The following PCDHA1 variants were observed in gnomAD, a reference collection of about 807,000 sequenced individuals.
The protein encoded by PCDHA1 is protocadherin alpha 1.
In PCDHA1, 42 loss-of-function variants were observed where a neutral mutation model predicts 61.3. The ratio of observed to expected loss-of-function variants is 0.69; its 90% CI spans 0.54 to 0.89. The LOEUF is 0.89. Ranked by LOEUF, PCDHA1 falls within the 40% of genes least tolerant of loss-of-function variation. The pLI, the probability that PCDHA1 is intolerant of heterozygous loss-of-function variation, is 0.00. For synonymous variants in PCDHA1, 610 were observed against 553.8 expected, an observed-to-expected ratio of 1.10 and a Z score of -1.43; for missense variants, 1,256 against 1,235.3, an observed-to-expected ratio of 1.02 and a Z score of -0.25.
intron 1 of PCDHA1, among the ~76,000 whole-genome samples, chr5:140,885,230 T>G (rs2060523657): frequency 6.6e-6 from 1 of 152,166 alleles, no homozygotes; most frequent in Non-Finnish European, 1.5e-5. Flanking sequence ...GTGATTCTGC[T>G]TTCAATTTTT....
At chr5:140,910,985 A>G (rs1554194529) in intron 1 of PCDHA1, among the ~76,000 whole-genome samples, 1 of 151,754 alleles carries the variant, frequency 6.6e-6, no homozygotes, top group Non-Finnish European at 1.5e-5. Flanking sequence ...TATACTCTGA[A>G]CCTCACCCCT....
rs2150127652 is a variant in PCDHA1, at chr5:140,823,634, C to T, written c.2394+34950C>T. 143 of 1,613,942 alleles carry T rather than the reference C, an allele frequency of 8.9e-5. 1 individual carries two copies. Among genetic ancestry groups the T allele is most frequent in the Middle Eastern group, 1.6e-4 (1 of 6,080 alleles). On this transcript the variant is annotated intron_variant, in intron 1 of 3. Transcript: ENST00000504120. ...CCAGCGCCTGGCAGTGCGCGCATCC[C>T]GTTCCGCGTGGGGCTGTACACAGGC...
In PCDHA1 at chr5:140,967,305, A is replaced by G. The variant is rs782005994; in HGVS notation, c.2395-11644A>G. On this transcript the variant is annotated intron_variant, in intron 1 of 3. Transcript: ENST00000504120. ...GCGCAGGACCCCGACGTGGGCGCCA[A>G]CTCAGTACAGACCTACGAGCTCAGC... The G allele has an allele frequency of 5.7e-5, 92 of 1,612,346 alleles. 1 individual carries two copies. The South Asian group carries it at 9.7e-4, about 17-fold the overall frequency.
chr5:140,934,941 T>C (rs1397192075), intron 1 of PCDHA1, among the ~76,000 whole-genome samples: 4 of 152,172 alleles, frequency 2.6e-5, no homozygotes, highest in African/African-American at 9.6e-5. Context: ...AAAACTAGTA[T>C]AGAGAGATCC....
intron 1 of PCDHA1, chr5:140,876,257 T>A (rs781806447): frequency 6.2e-7 from 1 of 1,614,000 alleles, no homozygotes; most frequent in Non-Finnish European, 8.5e-7. Context: ...ACAAGAGTGA[T>A]CCAACTAAAT....
rs2150495935 is a variant in PCDHA1 at position 140,850,724 on chromosome 5, C to G, written c.2394+62040C>G. On this transcript the variant is annotated intron_variant, in intron 1 of 3. Coordinates refer to ENST00000504120, the MANE Select transcript of PCDHA1 (RefSeq NM_018900.4). ...GCAAGCCGACGCTGGTGTGTTCTAGCGCGGTGGGGAGTTGGTCGTACTCGC... is the reference window on the plus strand; with the variant it reads ...GCAAGCCGACGCTGGTGTGTTCTAGGGCGGTGGGGAGTTGGTCGTACTCGC... 5.0e-6 allele frequency: 8 copies of G among 1,597,668 alleles called. No individual in the cohort carries two copies. The African/African-American group carries it at 1.1e-4, about 22-fold the overall frequency.
intron 1 of PCDHA1, among the ~76,000 whole-genome samples, chr5:140,934,654 T>G (rs1178051306): frequency 6.6e-6 from 1 of 152,168 alleles, no homozygotes; most frequent in African/African-American, 2.4e-5. Flanking sequence ...AATGTTTGAT[T>G]CTTCCCCTTT....
chr5:140,903,357 T>C (rs1554190932), intron 1 of PCDHA1, among the ~76,000 whole-genome samples: 1 of 152,166 alleles, frequency 6.6e-6, no homozygotes, highest in African/African-American at 2.4e-5. Flanking sequence ...AAACAAGTTT[T>C]TCAAAAATAT....
rs782776341 is a variant in PCDHA1 at position 140,884,056 on chromosome 5, G to A, written c.2395-94893G>A. On this transcript the variant is annotated intron_variant, in intron 1 of 3. Coordinates refer to ENST00000504120, the MANE Select transcript of PCDHA1 (RefSeq NM_018900.4). ...GCCACGTGGTGGCGAAGGTGCGCGC[G>A]GTGGACGCCGATTCGGGCTACAATG... 3.1e-6 allele frequency: 5 copies of A among 1,613,476 alleles called. No homozygotes were observed. In the South Asian group the frequency reaches 4.4e-5, roughly 14 times the overall value.
intron 3 of PCDHA1, among the ~76,000 whole-genome samples, chr5:140,994,938 C>T (rs2097656507): frequency 6.6e-6 from 1 of 152,232 alleles, no homozygotes; most frequent in East Asian, 1.9e-4. Context: ...CCTTAAACAT[C>T]CTGCTAAATA....
intron 1 of PCDHA1, among the ~76,000 whole-genome samples, chr5:140,911,305 T>C (rs1036239500): frequency 1.3e-5 from 2 of 152,186 alleles, no homozygotes; most frequent in Non-Finnish European, 2.9e-5. Context: ...CATATCCCCA[T>C]TCCAAGTTTC....
At chr5:140,877,156 G>C (rs1471783281) in intron 1 of PCDHA1, 1 of 1,613,810 alleles carries the variant, frequency 6.2e-7, no homozygotes, top group Non-Finnish European at 8.5e-7. Flanking sequence ...GAACGACAAC[G>C]CGCCGGCACT....
At chr5:140,862,912 C>T (rs1554157229) in intron 1 of PCDHA1, 1 of 550,038 alleles carries the variant, frequency 1.8e-6, no homozygotes, top group Non-Finnish European at 3.5e-6. Flanking sequence ...GCTGCTGGCG[C>T]CTTGGGTGGG....
chr5:140,857,301 C>T (rs2044489449), intron 1 of PCDHA1: 2 of 1,598,676 alleles, frequency 1.3e-6, no homozygotes, highest in Non-Finnish European at 8.6e-7. Context: ...GAGAGGGTGT[C>T]GGCCTATGAG....
rs1252863979 is a variant in PCDHA1, at chr5:140,839,702, T to C, written c.2394+51018T>C. Among the ~76,000 whole-genome samples the C allele has an allele frequency of 2.6e-5, 4 of 152,086 alleles. 1 individual carries two copies. Among genetic ancestry groups the C allele is most frequent in the Non-Finnish European group, 5.9e-5 (4 of 68,020 alleles). On this transcript the variant is annotated intron_variant, in intron 1 of 3. Transcript: ENST00000504120. ...CAGAGATTTTTTTGGGTAAATAATG[T>C]GATGACAAATTTAAATCATTTCACA...
chr5:140,990,296 T>C (rs1231552034), intron 3 of PCDHA1, among the ~76,000 whole-genome samples: 12 of 152,300 alleles, frequency 7.9e-5, no homozygotes, highest in African/African-American at 2.9e-4. Flanking sequence ...ATCGATGCCA[T>C]TGTCTGTAAA....
intron 1 of PCDHA1, chr5:140,877,335 G>C (rs115718636): frequency 0.047 from 75,474 of 1,613,976 alleles, 2,017 homozygotes; most frequent in Middle Eastern, 0.086. Flanking sequence ...CGCACATCCC[G>C]TTCCACGTGG....
At chr5:140,807,219 C>T in intron 1 of PCDHA1, 2 of 1,614,030 alleles carry the variant, frequency 1.2e-6, no homozygotes, top group Non-Finnish European at 8.5e-7. Context: ...GGCCAGGAAT[C>T]CCGGCGTCTG....
chr5:140,874,359 G>T (rs1456899858), intron 1 of PCDHA1, among the ~76,000 whole-genome samples: 1 of 152,176 alleles, frequency 6.6e-6, no homozygotes, highest in East Asian at 1.9e-4. Context: ...TTGAATTAAT[G>T]AATAAACTCA....
Sources: gnomAD v4.1 joint callset for allele counts (sites outside exome capture counted in the v4.1 genomes callset) on GRCh38, gnomAD v4.1.1 for gene constraint, MANE v1.5 for transcripts, NCBI Gene and HGNC (gene_info 2026-07-23, HGNC 2026-07-21) for gene names.